SGCZ: variants seen among roughly 807,000 people sequenced by gnomAD.
SGCZ encodes the protein zeta-sarcoglycan.
Under a neutral mutation model 41.3 loss-of-function variants are expected in SGCZ, and 40 were observed. The ratio of observed to expected loss-of-function variants is 0.97; its 90% confidence interval spans 0.75 to 1.26. The LOEUF (loss-of-function observed/expected upper bound fraction) is 1.26. SGCZ is among the 50% of genes most tolerant of loss of function. The pLI, the probability that SGCZ is intolerant of heterozygous loss-of-function variation, is 0.00. For missense variants in SGCZ, 552 were observed against 369.8 expected, an observed-to-expected ratio of 1.49 and a Z score of -4.04; for synonymous variants, 206 against 137.5, an observed-to-expected ratio of 1.50 and a Z score of -3.49.
chr8:14,608,639 C>T (rs538461861), intron 1 of SGCZ, among the ~76,000 whole-genome samples: 12 of 21,966 alleles, frequency 5.5e-4, no homozygotes, highest in South Asian at 2.2e-3. Flanking sequence ...CAATGGTCAT[C>T]GACATACATT....
intron 1 of SGCZ, among the ~76,000 whole-genome samples, chr8:15,197,579 T>G (rs925810017): frequency 6.6e-6 from 1 of 152,018 alleles, no homozygotes; most frequent in African/African-American, 2.4e-5. Flanking sequence ...ACAGAATCAA[T>G]GAAAATGTGG....
At chr8:15,116,370 C>A (rs187281100) in intron 1 of SGCZ, among the ~76,000 whole-genome samples, 1 of 152,116 alleles carries the variant, frequency 6.6e-6, no homozygotes, top group Non-Finnish European at 1.5e-5. Context: ...TCCAATGAAA[C>A]CTACAGATAA....
intron 4 of SGCZ, among the ~76,000 whole-genome samples, chr8:14,187,383 T>C (rs1804940474): frequency 6.6e-6 from 1 of 152,188 alleles, no homozygotes; most frequent in East Asian, 1.9e-4. Flanking sequence ...CTTGTGAGAA[T>C]GAGCAAATGT....
rs180740390 is a variant in SGCZ at position 14,474,263 on chromosome 8, T to C, written c.234+80469A>G. 2.5e-3 allele frequency among the ~76,000 whole-genome samples: 384 copies of C among 152,322 alleles called. 3 individuals are homozygous for C. The highest frequency in any genetic ancestry group is 4.0e-3 in the Non-Finnish European group (270 of 68,022). On this transcript the variant is annotated intron_variant, in intron 2 of 7. Coordinates refer to ENST00000382080, the MANE Select transcript of SGCZ (RefSeq NM_139167.4). ...AATAAAACACTTTTGATTTGCATTA[T>C]CATACCAAATGATATGCATATGCAA...
intron 1 of SGCZ, among the ~76,000 whole-genome samples, chr8:15,140,906 G>T (rs1300049739): frequency 6.6e-6 from 1 of 152,168 alleles, no homozygotes; most frequent in Non-Finnish European, 1.5e-5. Context: ...GTGACAAGTT[G>T]TGTATACTTG....
intron 1 of SGCZ, among the ~76,000 whole-genome samples, chr8:15,082,696 T>A (rs1407918433): frequency 6.6e-6 from 1 of 152,180 alleles, no homozygotes; most frequent in Non-Finnish European, 1.5e-5. Flanking sequence ...ACATCTATTA[T>A]CCCTGAGAGG....
chr8:14,631,328 A>C (rs1806646181), intron 1 of SGCZ, among the ~76,000 whole-genome samples: 1 of 152,066 alleles, frequency 6.6e-6, no homozygotes. Context: ...ATTCTCTATC[A>C]AATAGAGTAA....
intron 2 of SGCZ, among the ~76,000 whole-genome samples, chr8:14,539,915 T>C (rs1277613815): frequency 3.3e-5 from 5 of 151,858 alleles, no homozygotes; most frequent in Admixed American, 6.6e-5. Context: ...AATTTAAAAA[T>C]AGAGGTGGAC....
At chr8:14,702,810 T>C (rs1355981021) in intron 1 of SGCZ, among the ~76,000 whole-genome samples, 10 of 118,390 alleles carry the variant, frequency 8.4e-5, no homozygotes, top group African/African-American at 2.5e-4. Context: ...GGTAGGTAGT[T>C]AGGTAGATAG....
intron 1 of SGCZ, among the ~76,000 whole-genome samples, chr8:14,794,376 T>C (rs1289178839): frequency 1.3e-5 from 2 of 152,078 alleles, no homozygotes; most frequent in Admixed American, 6.6e-5. Context: ...CAGGATTATA[T>C]AAAAGAAAAG....
intron 1 of SGCZ, among the ~76,000 whole-genome samples, chr8:14,744,646 T>C (rs1799291960): frequency 6.6e-6 from 1 of 152,112 alleles, no homozygotes; most frequent in Admixed American, 6.6e-5. Flanking sequence ...ATACTTTAAC[T>C]TGGAACTACT....
At chr8:15,080,785 G>A (rs1805716299) in intron 1 of SGCZ, among the ~76,000 whole-genome samples, 2 of 151,908 alleles carry the variant, frequency 1.3e-5, no homozygotes, top group Admixed American at 1.3e-4. Context: ...GTAGAATCGG[G>A]GTTTCACCAT....
chr8:14,566,717 T>G (rs769375509), intron 1 of SGCZ, among the ~76,000 whole-genome samples: 25 of 152,248 alleles, frequency 1.6e-4, no homozygotes, highest in Non-Finnish European at 3.4e-4. Flanking sequence ...GCGCCCACTC[T>G]GGCCGTACTT....
At chr8:14,741,808 C>T (rs967854134) in intron 1 of SGCZ, among the ~76,000 whole-genome samples, 1 of 151,916 alleles carries the variant, frequency 6.6e-6, no homozygotes, top group African/African-American at 2.4e-5. Flanking sequence ...TATAGATAGA[C>T]AATTATGTCG....
At chr8:14,714,537 C>CAA (rs1257408387) in intron 1 of SGCZ, among the ~76,000 whole-genome samples, 1 of 152,054 alleles carries the variant, frequency 6.6e-6, no homozygotes, top group Non-Finnish European at 1.5e-5. Flanking sequence ...TTTTCTAAAA[C>CAA]ATTGTTCTAT....
chr8:14,576,989 G>A (rs562489917), intron 1 of SGCZ, among the ~76,000 whole-genome samples: 53 of 152,264 alleles, frequency 3.5e-4, no homozygotes, highest in African/African-American at 1.3e-3. Flanking sequence ...AATAAGTTAT[G>A]AGGATTTACA....
At chr8:14,681,145 A>G (rs1433886686) in intron 1 of SGCZ, among the ~76,000 whole-genome samples, 3 of 152,130 alleles carry the variant, frequency 2.0e-5, no homozygotes, top group African/African-American at 7.2e-5. Context: ...AAGAAAAAAT[A>G]GTCCAAAGAA....
At chr8:14,947,905 C>A (rs570931160) in intron 1 of SGCZ, among the ~76,000 whole-genome samples, 2 of 152,238 alleles carry the variant, frequency 1.3e-5, no homozygotes, top group East Asian at 3.9e-4. Context: ...TTTTTGAAAT[C>A]TGATGATGTG....
chr8:15,191,417 G>A (rs184642714), intron 1 of SGCZ, among the ~76,000 whole-genome samples: 312 of 151,934 alleles, frequency 2.1e-3, no homozygotes, highest in Non-Finnish European at 3.6e-3. Context: ...ACCGCTTAAG[G>A]GATTTATACT....
Sources: allele counts gnomAD v4.1 joint callset (sites outside exome capture counted in the v4.1 genomes callset), GRCh38; gene constraint gnomAD v4.1.1; transcripts MANE v1.5; gene names NCBI Gene and HGNC (gene_info 2026-07-23, HGNC 2026-07-21).